Variants in DLGAP1 observed in about 807,000 individuals in gnomAD.
DLGAP1 encodes DLG associated protein 1.
In DLGAP1, 11 loss-of-function variants were observed where a neutral mutation model predicts 90.8. The ratio of observed to expected loss-of-function variants is 0.12; its 90% CI spans 0.08 to 0.20. The LOEUF is 0.20. Among genes scored for constraint, DLGAP1 ranks in the 10% least tolerant of loss-of-function variants. The pLI is 1.00. For missense variants in DLGAP1, 1,050 were observed against 1,333.8 expected (o/e 0.79, Z 3.31); for synonymous variants, 558 against 540.7 (o/e 1.03, Z -0.44).
At chr18:3,823,949 C>CAAAAAA (rs60286806) in intron 4 of DLGAP1, among the ~76,000 whole-genome samples, 13 of 36,554 alleles carry the variant, frequency 3.6e-4, no homozygotes, top group East Asian at 1.4e-3. Context: ...GACTCCCTCT[C>CAAAAAA]AAAAAAAAAA....
In DLGAP1 at chr18:3,641,586, T is replaced by TATACACAC. The variant is rs377536387; in HGVS notation, c.1592-59339_1592-59338insGTGTGTAT. On this transcript the variant is annotated intron_variant, in intron 7 of 12. Transcript: ENST00000315677. ...ATAAGACAATGTACACATATATATA[T>TATACACAC]ACACACACACACACACACACACACA... 1.0e-4 allele frequency among the ~76,000 whole-genome samples: 14 copies of TATACACAC among 135,492 alleles called. No homozygotes were observed. The East Asian group carries it at 2.3e-3, about 22-fold the overall frequency. The allele number at this position is 135,492 out of a possible 152,430, so 88.9% of individuals were successfully genotyped here. A position where few individuals can be genotyped will look rare whatever the true frequency, so the allele number is the denominator to read the frequency against.
chr18:3,712,187 A>G (rs103813), intron 7 of DLGAP1, among the ~76,000 whole-genome samples: 94,805 of 152,120 alleles, frequency 0.62, 30,715 homozygotes, highest in African/African-American at 0.8. Context: ...TCCTTGAGAA[A>G]TGCAGCCCCA....
intron 3 of DLGAP1, among the ~76,000 whole-genome samples, chr18:3,923,379 C>T (rs1241016129): frequency 2.0e-5 from 3 of 151,800 alleles, no homozygotes; most frequent in Admixed American, 6.6e-5. Flanking sequence ...GTTTATTTGC[C>T]GTTTTTGTAT....
chr18:4,038,693 G>C (rs963954679), intron 2 of DLGAP1, among the ~76,000 whole-genome samples: 2 of 152,048 alleles, frequency 1.3e-5, no homozygotes, highest in Non-Finnish European at 2.9e-5. Context: ...ATATGTTCTG[G>C]AGTATTTTTC....
At chr18:4,219,995 T>A (rs2078042123) in intron 1 of DLGAP1, among the ~76,000 whole-genome samples, 1 of 152,112 alleles carries the variant, frequency 6.6e-6, no homozygotes, top group South Asian at 2.1e-4. Flanking sequence ...ATTTTAGGAC[T>A]GTTTTTTCTG....
At chr18:4,233,273 G>C (rs1381474991) in intron 1 of DLGAP1, among the ~76,000 whole-genome samples, 1 of 152,134 alleles carries the variant, frequency 6.6e-6, no homozygotes, top group African/African-American at 2.4e-5. Flanking sequence ...ATTGAAGTTT[G>C]TTATTGTGTC....
chr18:3,803,957 CAT>C (rs33952757), intron 5 of DLGAP1, among the ~76,000 whole-genome samples: 3,966 of 82,270 alleles, frequency 0.048, 57 homozygotes, highest in Non-Finnish European at 0.06. Context: ...TATGTAGGTT[CAT>C]ATATATATAT....
intron 7 of DLGAP1, among the ~76,000 whole-genome samples, chr18:3,716,378 T>A (rs990578268): frequency 3.3e-5 from 5 of 152,030 alleles, no homozygotes; most frequent in East Asian, 1.9e-4. Flanking sequence ...CTAGAAAAAA[T>A]TTTTAAAATT....
intron 1 of DLGAP1, among the ~76,000 whole-genome samples, chr18:4,278,158 A>G (rs1468505236): frequency 6.6e-6 from 1 of 152,148 alleles, no homozygotes; most frequent in Non-Finnish European, 1.5e-5. Context: ...TGTGAGTTAA[A>G]TATGTATACA....
At chr18:4,306,005 T>TACAC (rs375614632) in intron 1 of DLGAP1, among the ~76,000 whole-genome samples, 2,361 of 121,410 alleles carry the variant, frequency 0.019, 74 homozygotes, top group African/African-American at 0.068. Context: ...CCCAAAACAT[T>TACAC]ACACACACAC....
intron 2 of DLGAP1, among the ~76,000 whole-genome samples, chr18:4,033,752 T>TC (rs2074838136): frequency 1.3e-5 from 2 of 151,748 alleles, no homozygotes; most frequent in South Asian, 4.2e-4. Context: ...TTTTTTTTTT[T>TC]TTTTTGAGAC....
chr18:3,837,221 TCTTTTC>T (rs2068439856), intron 4 of DLGAP1, among the ~76,000 whole-genome samples: 1 of 152,222 alleles, frequency 6.6e-6, no homozygotes, highest in Admixed American at 6.5e-5. Context: ...TTTTCTTTCT[TCTTTTC>T]CTTTTATGTT....
At chr18:4,271,231 G>A (rs1486724928) in intron 1 of DLGAP1, among the ~76,000 whole-genome samples, 5 of 152,132 alleles carry the variant, frequency 3.3e-5, no homozygotes, top group Non-Finnish European at 7.4e-5. Context: ...GTGGTGAGTA[G>A]GCCCCAGGAC....
intron 3 of DLGAP1, among the ~76,000 whole-genome samples, chr18:4,001,703 A>G (rs1331149980): frequency 6.6e-6 from 1 of 151,680 alleles, no homozygotes; most frequent in Non-Finnish European, 1.5e-5. Context: ...CTCAATTTGG[A>G]TTCTATTCCA....
chr18:4,051,398 G>A (rs957101921), intron 2 of DLGAP1, among the ~76,000 whole-genome samples: 3 of 152,216 alleles, frequency 2.0e-5, no homozygotes, highest in Non-Finnish European at 4.4e-5. Flanking sequence ...AAGCAAGCAT[G>A]TCTTTCTTCA....
At chr18:4,115,738 A>G (rs750417835) in intron 2 of DLGAP1, among the ~76,000 whole-genome samples, 3 of 152,194 alleles carry the variant, frequency 2.0e-5, no homozygotes, top group Non-Finnish European at 2.9e-5. Context: ...TGCTGGGATT[A>G]CAGGCGTAAG....
intron 2 of DLGAP1, among the ~76,000 whole-genome samples, chr18:4,051,755 T>TA (rs34616527): frequency 0.92 from 140,041 of 152,194 alleles, 65,037 homozygotes; most frequent in Non-Finnish European, 0.99. Context: ...AAGTCTCATC[T>TA]AGACAATGCA....
intron 5 of DLGAP1, among the ~76,000 whole-genome samples, chr18:3,794,557 A>C (rs1189354798): frequency 2.6e-5 from 4 of 152,324 alleles, no homozygotes. Flanking sequence ...TGAAGGTGGA[A>C]GGTTCCTCTA....
intron 2 of DLGAP1, among the ~76,000 whole-genome samples, chr18:4,040,899 C>T (rs1234787809): frequency 1.3e-5 from 2 of 152,348 alleles, no homozygotes; most frequent in South Asian, 2.1e-4. Context: ...AGTACTCACA[C>T]ACGGTTGCTA....
Sources: gnomAD v4.1 joint callset for allele counts (sites outside exome capture counted in the v4.1 genomes callset) on GRCh38, gnomAD v4.1.1 for gene constraint, MANE v1.5 for transcripts, NCBI Gene and HGNC (gene_info 2026-07-23, HGNC 2026-07-21) for gene names.